The following RIOK3 variants were observed in gnomAD, a reference collection of about 807,000 sequenced individuals.
The protein encoded by RIOK3 is RIO kinase 3.
In RIOK3, 40 loss-of-function variants were observed where a neutral mutation model predicts 63.5. That is an observed-to-expected ratio of 0.63 (90% CI 0.49 to 0.82). The LOEUF is 0.82. Among genes scored for constraint, RIOK3 ranks in the 40% least tolerant of loss-of-function variants. The pLI is 0.00. For synonymous variants in RIOK3, 193 were observed against 205.0 expected, an observed-to-expected ratio of 0.94 and a Z score of 0.50; for missense variants, 557 against 637.0, an observed-to-expected ratio of 0.87 and a Z score of 1.35.
At chr18:23,473,092 A>G (rs978662400) in intron 7 of RIOK3, among the ~76,000 whole-genome samples, 1 of 152,138 alleles carries the variant, frequency 6.6e-6, no homozygotes, top group Non-Finnish European at 1.5e-5. Context: ...TTTTTATTGA[A>G]TTTTGCTCCT....
At chr18:23,465,262 T>C (rs959821560) in intron 5 of RIOK3, among the ~76,000 whole-genome samples, 1 of 151,994 alleles carries the variant, frequency 6.6e-6, no homozygotes, top group African/African-American at 2.4e-5. Context: ...TCCCAGTTAC[T>C]CGGGAGGCTG....
chr18:23,474,947 GAAT>G lies in RIOK3; in HGVS notation c.1014_1016del (p.Met339del). The G allele has an allele frequency of 6.2e-7, 1 of 1,601,034 alleles. No homozygotes were observed. The highest frequency in any genetic ancestry group is 8.5e-7 in the Non-Finnish European group (1 of 1,169,616). Reference sequence around the variant, plus strand: ...ATTCTGAATCATTTCTTTATGTATAGAATGCAGAGAGCTGGAATTCCTTGTCCA... The same window carrying G: ...ATTCTGAATCATTTCTTTATGTATAGGCAGAGAGCTGGAATTCCTTGTCCA... On this transcript the variant is annotated inframe_deletion and splice_region_variant, in exon 9 of 13. Coordinates refer to ENST00000339486, the MANE Select transcript of RIOK3 (RefSeq NM_003831.5).
rs1235986102 is a variant in RIOK3 at position 23,481,555 on chromosome 18, G to C, written c.*276G>C. On this transcript the variant is annotated 3_prime_UTR_variant, in exon 13 of 13. Coordinates refer to ENST00000339486, the MANE Select transcript of RIOK3 (RefSeq NM_003831.5). Reference sequence around the variant, plus strand: ...AAGTAGACCTAATTTTATGTGACTTGTGGTGTAAAATGTCTTGATGATAAT... The same window carrying C: ...AAGTAGACCTAATTTTATGTGACTTCTGGTGTAAAATGTCTTGATGATAAT... 3.4e-6 allele frequency: 1 copy of C among 297,090 alleles called. No individual in the cohort carries two copies. Among genetic ancestry groups the C allele is most frequent in the African/African-American group, 2.2e-5 (1 of 46,330 alleles). 18.4% of individuals were successfully genotyped at this position (297,090 alleles called of 1,614,324 possible). A position where few individuals can be genotyped will look rare whatever the true frequency, so the allele number is the denominator to read the frequency against.
At chr18:23,459,171 A>G (rs892522895) in intron 1 of RIOK3, among the ~76,000 whole-genome samples, 2 of 152,214 alleles carry the variant, frequency 1.3e-5, no homozygotes, top group Non-Finnish European at 2.9e-5. Flanking sequence ...TCTTCTGACA[A>G]ATTGTCAGCT....
At chr18:23,459,975 T>C (rs2057364310) in intron 1 of RIOK3, among the ~76,000 whole-genome samples, 2 of 152,218 alleles carry the variant, frequency 1.3e-5, no homozygotes, top group South Asian at 4.1e-4. Context: ...ATTACAGGCG[T>C]GAGCCACTGC....
chr18:23,464,102 A>G lies in RIOK3; in HGVS notation c.315A>G (p.Gly105=). ...GGCGTGAAGAAAAAAAATTCAATGGAGATAGCAAAGGTATTATAACCTTAT... is the reference window on the plus strand; with the variant it reads ...GGCGTGAAGAAAAAAAATTCAATGGGGATAGCAAAGGTATTATAACCTTAT... ...QLRREEKKFN[G]DSKVSISFEN... Residue 105 remains glycine (G), a synonymous_variant, in exon 3 of 13, where the codon GGA becomes GGG. Coordinates refer to ENST00000339486, the MANE Select transcript of RIOK3 (RefSeq NM_003831.5). The G allele has an allele frequency of 1.2e-6, 2 of 1,610,688 alleles. No homozygotes were observed. The highest frequency in any genetic ancestry group is 1.7e-6 in the Non-Finnish European group (2 of 1,178,710).
intron 6 of RIOK3, 110 bp from the exon 7 acceptor site, chr18:23,467,289 G>A (rs1210006489): frequency 1.1e-6 from 1 of 893,698 alleles, no homozygotes; most frequent in Non-Finnish European, 1.7e-6. Context: ...ACTCTAGCCT[G>A]GGTGACAAGA....
chr18:23,467,112 G>A (rs1598808699), intron 6 of RIOK3, among the ~76,000 whole-genome samples: 2 of 151,450 alleles, frequency 1.3e-5, no homozygotes, highest in Admixed American at 1.3e-4. Context: ...TCAGGAGTTC[G>A]AGACCAGCCT....
intron 7 of RIOK3, among the ~76,000 whole-genome samples, chr18:23,469,557 G>A (rs2057442067): frequency 6.8e-6 from 1 of 147,296 alleles, no homozygotes; most frequent in African/African-American, 2.5e-5. Context: ...GCGCAATCTT[G>A]GCTCACTGCA....
chr18:23,456,897 G>A (rs1223467596), intron 1 of RIOK3, among the ~76,000 whole-genome samples: 1 of 152,172 alleles, frequency 6.6e-6, no homozygotes, highest in Admixed American at 6.5e-5. Flanking sequence ...TGGGTAATAA[G>A]AGCGTAGTAG....
chr18:23,480,555 G>GCGCGCA (rs779698307), intron 12 of RIOK3, among the ~76,000 whole-genome samples: 6 of 141,990 alleles, frequency 4.2e-5, no homozygotes, highest in African/African-American at 1.6e-4. Context: ...TTGGATGCAC[G>GCGCGCA]CACACACACA....
At chr18:23,466,529 TCA>T (rs2057409152) in intron 6 of RIOK3, among the ~76,000 whole-genome samples, 1 of 150,934 alleles carries the variant, frequency 6.6e-6, no homozygotes, top group Non-Finnish European at 1.5e-5. Flanking sequence ...GATCCCCAGC[TCA>T]CAAAAAAAAT....
chr18:23,463,246 T>C (rs2145676460), intron 2 of RIOK3, 167 bp downstream of exon 2: 1 of 523,782 alleles, frequency 1.9e-6, no homozygotes, highest in Middle Eastern at 5.0e-4. Context: ...TTGGTTTTCA[T>C]TATTATCTTG....
intron 1 of RIOK3, among the ~76,000 whole-genome samples, chr18:23,453,757 T>TGG (rs754206089): frequency 6.6e-5 from 10 of 152,304 alleles, no homozygotes; most frequent in Non-Finnish European, 1.3e-4. Flanking sequence ...GTACTTTCTG[T>TGG]ATCACCGTAG....
chr18:23,456,367 G>A (rs951451071), intron 1 of RIOK3: 5 of 152,122 alleles, frequency 3.3e-5, no homozygotes, highest in African/African-American at 7.2e-5. Flanking sequence ...TCATTTAAAA[G>A]TCATGCTAGT....
At chr18:23,466,069 T>A in intron 5 of RIOK3, 64 bp from the exon 6 acceptor site, 1 of 1,308,610 alleles carries the variant, frequency 7.6e-7, no homozygotes. Context: ...TTTGGTTGTT[T>A]TTGTTTTTGT....
At chr18:23,480,854 A>T (rs1306107415) in intron 12 of RIOK3, among the ~76,000 whole-genome samples, 1 of 152,238 alleles carries the variant, frequency 6.6e-6, no homozygotes. Flanking sequence ...TGAGAGGCCA[A>T]GGCGGGTGGA....
chr18:23,476,569 C>G lies in RIOK3; in HGVS notation c.1174-437C>G, dbSNP rs1415001389. Among the ~76,000 whole-genome samples the G allele has an allele frequency of 2.0e-5, 3 of 152,176 alleles. No individual in the cohort carries two copies. The East Asian group carries it at 5.8e-4, about 29-fold the overall frequency. ...AGTGATGAAACTTTTCTATTTAATTCTATTAAGGCTGGAAAACAAATGCAT... is the reference window on the plus strand; with the variant it reads ...AGTGATGAAACTTTTCTATTTAATTGTATTAAGGCTGGAAAACAAATGCAT... On this transcript the variant is annotated intron_variant, in intron 9 of 12. Transcript: ENST00000339486.
chr18:23,453,567 G>C, intron 1 of RIOK3, 65 bp downstream of exon 1: 3 of 1,372,888 alleles, frequency 2.2e-6, no homozygotes, highest in South Asian at 1.2e-5. Context: ...CGGAAAGCTC[G>C]GAGAGGGCGG....
Sources: gnomAD v4.1 joint callset for allele counts (sites outside exome capture counted in the v4.1 genomes callset) on GRCh38, gnomAD v4.1.1 for gene constraint, MANE v1.5 for transcripts, NCBI Gene and HGNC (gene_info 2026-07-23, HGNC 2026-07-21) for gene names.